KRAS: variants seen among roughly 807,000 people sequenced by gnomAD.
KRAS encodes GTPase KRas.
A neutral mutation model predicts 21.0 loss-of-function variants in KRAS; 1 was observed. That is an observed-to-expected ratio of 0.05 (90% CI 0.02 to 0.23). The LOEUF is 0.23. Ranked by LOEUF, KRAS falls within the 10% of genes least tolerant of loss-of-function variation. KRAS has a pLI of 1.00. For missense variants in KRAS, 107 were observed against 221.8 expected, an observed-to-expected ratio of 0.48 and a Z score of 3.29; for synonymous variants, 67 against 72.5, an observed-to-expected ratio of 0.92 and a Z score of 0.39.
chr12:25,209,706 A>C lies in KRAS; in HGVS notation c.*89T>G, dbSNP rs564331329. ...GCATGGAGCAGGAAAAAAATTAGGT[A>C]ATGCTAAAACAAATGCTAATAATTT... On this transcript the variant is annotated 3_prime_UTR_variant, in exon 5 of 5. Coordinates refer to ENST00000311936, the MANE Select transcript of KRAS (RefSeq NM_004985.5). The C allele has an allele frequency of 6.5e-7, 1 of 1,531,446 alleles. No individual in the cohort carries two copies. Among genetic ancestry groups the C allele is most frequent in the African/African-American group, 1.4e-5 (1 of 71,898 alleles). 94.9% of individuals were successfully genotyped at this position (1,531,446 alleles called of 1,614,324 possible).
intron 4 of KRAS, among the ~76,000 whole-genome samples, chr12:25,221,432 C>A (rs372262952): frequency 1.3e-5 from 2 of 152,104 alleles, no homozygotes; most frequent in African/African-American, 4.8e-5. Context: ...GGGGTTTCAA[C>A]CACGTTGGCC....
intron 2 of KRAS, among the ~76,000 whole-genome samples, chr12:25,236,286 A>G (rs17388587): frequency 0.05 from 7,611 of 152,280 alleles, 275 homozygotes; most frequent in East Asian, 0.1. Context: ...TAGCATTATC[A>G]TGACAAATTA....
intron 2 of KRAS, among the ~76,000 whole-genome samples, chr12:25,241,192 A>G (rs1380462265): frequency 6.6e-6 from 1 of 152,200 alleles, no homozygotes; most frequent in Admixed American, 6.5e-5. Flanking sequence ...TAACTAATAC[A>G]GACAGTAATC....
At chr12:25,234,637 T>C (rs1181040976) in intron 2 of KRAS, 1 of 187,996 alleles carries the variant, frequency 5.3e-6, no homozygotes, top group Non-Finnish European at 1.1e-5. Flanking sequence ...CTGACTTGCA[T>C]AATTTTTTTA....
Position 25,222,017 on chromosome 12 carries a change from C to T in KRAS, c.450+3597G>A, listed in dbSNP as rs896634729. Among the ~76,000 whole-genome samples, 11 of 151,610 alleles carry T rather than the reference C, an allele frequency of 7.3e-5. No homozygotes were observed. In the South Asian group the frequency reaches 1.2e-3, roughly 17 times the overall value. On this transcript the variant is annotated intron_variant, in intron 4 of 4. Coordinates refer to ENST00000311936, the MANE Select transcript of KRAS (RefSeq NM_004985.5). ...ACAAAAATTTAGCAAGGCATGGTGGCGGGTGCCTGTAGTCCCAGCTACTTG... is the reference window on the plus strand; with the variant it reads ...ACAAAAATTTAGCAAGGCATGGTGGTGGGTGCCTGTAGTCCCAGCTACTTG...
At chr12:25,219,595 G>C (rs1951296124) in intron 4 of KRAS, among the ~76,000 whole-genome samples, 5 of 152,182 alleles carry the variant, frequency 3.3e-5, no homozygotes, top group Admixed American at 2.6e-4. Context: ...ATATACAAAT[G>C]CAAGACTACC....
chr12:25,209,923 A>C lies in KRAS; in HGVS notation c.451-12T>G, dbSNP rs1565878958. ...GCATCATCAACACCCTGAAATACAT[A>C]AAAAGTATTAAAATGTGAATATATA... On this transcript the variant is annotated splice_polypyrimidine_tract_variant and intron_variant, in intron 4 of 4. Coordinates refer to ENST00000311936, the MANE Select transcript of KRAS (RefSeq NM_004985.5). The C allele has an allele frequency of 6.3e-7, 1 of 1,590,858 alleles. No homozygotes were observed. The highest frequency in any genetic ancestry group is 8.6e-7 in the Non-Finnish European group (1 of 1,163,410).
intron 1 of KRAS, among the ~76,000 whole-genome samples, chr12:25,250,220 T>C (rs1402747821): frequency 6.6e-6 from 1 of 152,168 alleles, no homozygotes; most frequent in Non-Finnish European, 1.5e-5. Flanking sequence ...AGGACCACTA[T>C]CCGTCCAGCC....
At chr12:25,229,865 C>T (rs1592810641) in intron 2 of KRAS, among the ~76,000 whole-genome samples, 1 of 151,022 alleles carries the variant, frequency 6.6e-6, no homozygotes, top group Non-Finnish European at 1.5e-5. Flanking sequence ...GCCTCCTGGG[C>T]TCGAGTGATT....
At chr12:25,231,773 G>T (rs1951474772) in intron 2 of KRAS, among the ~76,000 whole-genome samples, 1 of 152,146 alleles carries the variant, frequency 6.6e-6, no homozygotes, top group Non-Finnish European at 1.5e-5. Flanking sequence ...ATTTTAACTA[G>T]GGTCCTCACT....
chr12:25,222,144 G>A (rs1325414377), intron 4 of KRAS, among the ~76,000 whole-genome samples: 58 of 98,784 alleles, frequency 5.9e-4, no homozygotes, highest in Non-Finnish European at 7.4e-4. Flanking sequence ...GCAAGACTCC[G>A]TCTCAAAAAA....
At chr12:25,216,415 C>T (rs1018592011) in intron 4 of KRAS, among the ~76,000 whole-genome samples, 1 of 152,162 alleles carries the variant, frequency 6.6e-6, no homozygotes, top group Non-Finnish European at 1.5e-5. Flanking sequence ...GCTGGGACTA[C>T]AGGCAAGCAC....
intron 1 of KRAS, among the ~76,000 whole-genome samples, chr12:25,249,708 C>T (rs1951740078): frequency 1.3e-5 from 2 of 151,078 alleles, no homozygotes; most frequent in African/African-American, 4.9e-5. Flanking sequence ...TTTTGGAGTA[C>T]TGTAATAACT....
chr12:25,225,987 T>C (rs925493606), intron 3 of KRAS, among the ~76,000 whole-genome samples: 7 of 152,162 alleles, frequency 4.6e-5, no homozygotes, highest in Non-Finnish European at 1.0e-4. Flanking sequence ...ATCAAATACC[T>C]AGAAGTATAG....
intron 2 of KRAS, among the ~76,000 whole-genome samples, chr12:25,242,229 G>C (rs1592820750): frequency 6.6e-6 from 1 of 151,988 alleles, no homozygotes; most frequent in East Asian, 1.9e-4. Context: ...AACAATTAGA[G>C]CCTGGGAAAA....
intron 3 of KRAS, among the ~76,000 whole-genome samples, chr12:25,226,609 C>G (rs1285694023): frequency 6.6e-6 from 1 of 152,100 alleles, no homozygotes; most frequent in Non-Finnish European, 1.5e-5. Context: ...ACTAGGCTAA[C>G]TCGTTATTAT....
At chr12:25,235,520 T>G (rs1301589825) in intron 2 of KRAS, among the ~76,000 whole-genome samples, 1 of 152,202 alleles carries the variant, frequency 6.6e-6, no homozygotes, top group Non-Finnish European at 1.5e-5. Context: ...ATTATATAGT[T>G]TCTGACCTCA....
rs1172756018 is a variant in KRAS, at chr12:25,234,153, ATAATT to A, written c.112-6746_112-6742del. Reference sequence around the variant, plus strand: ...TTTTAAATTACAATATATATTAAGAATAATTTAATAAATTTTACCTTCAATTAAAT... The same window carrying A: ...TTTTAAATTACAATATATATTAAGAATAATAAATTTTACCTTCAATTAAAT... On this transcript the variant is annotated intron_variant, in intron 2 of 4. Transcript: ENST00000311936. 4.9e-4 allele frequency: 83 copies of A among 169,580 alleles called. 1 individual carries two copies. The East Asian group carries it at 8.4e-3, about 17-fold the overall frequency. 10.5% of individuals were successfully genotyped at this position (169,580 alleles called of 1,614,324 possible).
chr12:25,242,817 G>A (rs1198567310), intron 2 of KRAS, among the ~76,000 whole-genome samples: 1 of 151,968 alleles, frequency 6.6e-6, no homozygotes, highest in Non-Finnish European at 1.5e-5. Context: ...TACTTAACTT[G>A]GTCTCAGAGA....
Sources: allele counts gnomAD v4.1 joint callset (sites outside exome capture counted in the v4.1 genomes callset), GRCh38; gene constraint gnomAD v4.1.1; transcripts MANE v1.5; gene names NCBI Gene and HGNC (gene_info 2026-07-23, HGNC 2026-07-21).